OR51B5: variants seen among roughly 807,000 people sequenced by gnomAD.
OR51B5 encodes the protein olfactory receptor 51B5.
For synonymous variants in OR51B5, 186 were observed against 144.8 expected, an observed-to-expected ratio of 1.28 and a Z score of -2.04; for missense variants, 456 against 374.6, an observed-to-expected ratio of 1.22 and a Z score of -1.79.
intron 1 of OR51B5, among the ~76,000 whole-genome samples, chr11:5,472,011 C>G (rs1433780435): frequency 1.3e-5 from 2 of 152,270 alleles, no homozygotes; most frequent in South Asian, 4.1e-4. Flanking sequence ...GTTTCCCAAT[C>G]AAAGGTTCCC....
chr11:5,504,351 C>A (rs1846343305), intron 1 of OR51B5, among the ~76,000 whole-genome samples: 1 of 152,154 alleles, frequency 6.6e-6, no homozygotes, highest in Non-Finnish European at 1.5e-5. Context: ...TGCTTTCTAG[C>A]AAATCTCTTG....
intron 1 of OR51B5, among the ~76,000 whole-genome samples, chr11:5,365,815 G>A (rs1050574910): frequency 6.6e-6 from 1 of 152,184 alleles, no homozygotes; most frequent in Non-Finnish European, 1.5e-5. Context: ...GCACATTATA[G>A]ATGCTTAGTA....
intron 1 of OR51B5, among the ~76,000 whole-genome samples, chr11:5,465,033 C>T (rs1255934837): frequency 2.6e-5 from 4 of 151,828 alleles, no homozygotes; most frequent in South Asian, 2.1e-4. Flanking sequence ...GGTGAAACCC[C>T]GTCTCTACTA....
At chr11:5,431,967 C>G (rs79321259) in intron 1 of OR51B5, among the ~76,000 whole-genome samples, 9,312 of 152,228 alleles carry the variant, frequency 0.061, 371 homozygotes, top group Non-Finnish European at 0.097. Flanking sequence ...GTATAATCGT[C>G]AAGTCGAAGT....
At chr11:5,445,129 C>A (rs1850741846) in intron 1 of OR51B5, among the ~76,000 whole-genome samples, 1 of 152,036 alleles carries the variant, frequency 6.6e-6, no homozygotes, top group African/African-American at 2.4e-5. Context: ...ACACTATAAT[C>A]TATGTATTCG....
chr11:5,492,328 C>T lies in OR51B5; in HGVS notation n.84+13241G>A, dbSNP rs150997835. Among the ~76,000 whole-genome samples, 924 of 152,270 alleles carry T rather than the reference C, an allele frequency of 6.1e-3. 8 individuals are homozygous for T. Among genetic ancestry groups the T allele is most frequent in the African/African-American group, 0.021 (874 of 41,552 alleles). Reference sequence around the variant, plus strand: ...CTTCCCTCTGAGCTCTGAAGAAACTCACCCTGTTTTCTCTTTCTTCCATCT... The same window carrying T: ...CTTCCCTCTGAGCTCTGAAGAAACTTACCCTGTTTTCTCTTTCTTCCATCT... On this transcript the variant is annotated intron_variant and non_coding_transcript_variant, in intron 1 of 4. Coordinates refer to the OR51B5 transcript ENST00000415970.
At chr11:5,413,573 C>T (rs927505640) in intron 1 of OR51B5, among the ~76,000 whole-genome samples, 3 of 152,096 alleles carry the variant, frequency 2.0e-5, no homozygotes, top group South Asian at 2.1e-4. Flanking sequence ...ATAACCAATA[C>T]AGAGAAGTGC....
chr11:5,370,775 T>C (rs187444100), intron 1 of OR51B5, among the ~76,000 whole-genome samples: 6 of 152,280 alleles, frequency 3.9e-5, no homozygotes, highest in Admixed American at 1.3e-4. Flanking sequence ...TACAACCTCA[T>C]ATAGCTGCTA....
intron 1 of OR51B5, chr11:5,422,118 A>T: frequency 2.7e-6 from 3 of 1,102,584 alleles, no homozygotes; most frequent in Non-Finnish European, 2.6e-6. Flanking sequence ...AATTTGGATT[A>T]AATGGGGCAA....
At chr11:5,436,203 G>A (rs1332903108) in intron 1 of OR51B5, among the ~76,000 whole-genome samples, 2 of 152,180 alleles carry the variant, frequency 1.3e-5, no homozygotes, top group African/African-American at 2.4e-5. Context: ...GTAGAGACGG[G>A]TTGGGATCAG....
intron 1 of OR51B5, chr11:5,391,157 G>C (rs138897935): frequency 6.6e-6 from 1 of 152,314 alleles, no homozygotes; most frequent in Non-Finnish European, 1.5e-5. Flanking sequence ...CAAACATATT[G>C]AAGTCACAAT....
At position 5,470,818 on chromosome 11, in the gene OR51B5, A is replaced by G. The variant is rs1180746528; in HGVS notation, n.84+34751T>C. ...TTCCAACTGTCACTCATCCCTCAAC[A>G]TCTTCAACCAAAATATCTGCAGAAC... On this transcript the variant is annotated intron_variant and non_coding_transcript_variant, in intron 1 of 4. Coordinates refer to the OR51B5 transcript ENST00000415970. Among the ~76,000 whole-genome samples the G allele has an allele frequency of 3.9e-5, 6 of 152,086 alleles. No individual in the cohort carries two copies. The East Asian group carries it at 1.2e-3, about 29-fold the overall frequency.
chr11:5,438,035 G>A (rs538250426), intron 1 of OR51B5, among the ~76,000 whole-genome samples: 1 of 152,274 alleles, frequency 6.6e-6, no homozygotes, highest in East Asian at 1.9e-4. Flanking sequence ...TATAGGATTG[G>A]TTGGATCAAA....
rs538719288 is a variant in OR51B5 at position 5,369,465 on chromosome 11, G to T, written n.85-22555C>A. ...ACAGACTTTTTATATATTTTTTCTGGATAAAAAATAAAATCTGATAATTTG... is the reference window on the plus strand; with the variant it reads ...ACAGACTTTTTATATATTTTTTCTGTATAAAAAATAAAATCTGATAATTTG... On this transcript the variant is annotated intron_variant and non_coding_transcript_variant, in intron 1 of 4. Coordinates refer to the OR51B5 transcript ENST00000415970. Among the ~76,000 whole-genome samples the T allele has an allele frequency of 1.7e-3, 262 of 151,642 alleles. 1 individual carries two copies. The highest frequency in any genetic ancestry group is 2.5e-3 in the Non-Finnish European group (169 of 67,896).
rs186695985 is a variant in OR51B5, at chr11:5,363,479, G to A, written n.85-16569C>T. 5.7e-4 allele frequency among the ~76,000 whole-genome samples: 86 copies of A among 149,946 alleles called. No individual in the cohort carries two copies. The East Asian group carries it at 0.014, about 25-fold the overall frequency. On this transcript the variant is annotated intron_variant and non_coding_transcript_variant, in intron 1 of 4. Coordinates refer to the OR51B5 transcript ENST00000415970. ...CACACTCTCTCTCTCACACAAAAGC[G>A]CCACACACACAATCATAAACACACA...
chr11:5,363,400 T>G (rs1849317307), intron 1 of OR51B5, among the ~76,000 whole-genome samples: 2 of 150,240 alleles, frequency 1.3e-5, no homozygotes, highest in Non-Finnish European at 3.0e-5. Flanking sequence ...TACATGATCC[T>G]AATCACCAAT....
chr11:5,416,323 C>A (rs1348727092), intron 1 of OR51B5, among the ~76,000 whole-genome samples: 1 of 150,710 alleles, frequency 6.6e-6, no homozygotes, highest in Admixed American at 6.6e-5. Flanking sequence ...CAATATCATA[C>A]TGAATGGGCA....
Position 5,375,867 on chromosome 11 carries a change from C to T in OR51B5, n.85-28957G>A, listed in dbSNP as rs565041428. 7.9e-5 allele frequency among the ~76,000 whole-genome samples: 12 copies of T among 152,226 alleles called. No individual in the cohort carries two copies. The South Asian group carries it at 2.5e-3, about 32-fold the overall frequency. On this transcript the variant is annotated intron_variant and non_coding_transcript_variant, in intron 1 of 4. Transcript: ENST00000415970. ...ACTCCCACACTTTAATAATGGGAGA[C>T]TTTAATACCCCACTGTCAACATTAG... is the stretch of plus-strand genomic sequence containing the variant.
chr11:5,459,705 G>A (rs756264272), intron 1 of OR51B5, among the ~76,000 whole-genome samples: 3 of 152,104 alleles, frequency 2.0e-5, no homozygotes, highest in Admixed American at 6.5e-5. Context: ...AGTCTAAATG[G>A]CTAGTATTAA....
Sources: gnomAD v4.1 joint callset for allele counts (sites outside exome capture counted in the v4.1 genomes callset) on GRCh38, gnomAD v4.1.1 for gene constraint, MANE v1.5 for transcripts, NCBI Gene and HGNC (gene_info 2026-07-23, HGNC 2026-07-21) for gene names.